PHF21B: variants seen among roughly 807,000 people sequenced by gnomAD.
PHF21B encodes PHD finger protein 21B, also known as PHD finger protein 4.
PHF21B carries 22 observed loss-of-function variants against 62.2 expected under a neutral mutation model. The observed-to-expected ratio is 0.35, with a 90% CI of 0.25 to 0.51. The LOEUF (loss-of-function observed/expected upper bound fraction) is 0.51, where lower values mean the gene tolerates loss of function less well. PHF21B is among the 20% of genes least tolerant of loss of function. The probability of loss-of-function intolerance (pLI) is 0.97; values close to 1 mark genes in which losing one functional copy is unlikely to be tolerated. For synonymous variants in PHF21B, 341 were observed against 314.7 expected (o/e 1.08, Z -0.88); for missense variants, 701 against 707.9 (o/e 0.99, Z 0.11).
chr22:44,900,375 A>G (rs980019094), intron 5 of PHF21B, among the ~76,000 whole-genome samples: 2 of 152,078 alleles, frequency 1.3e-5, no homozygotes, highest in Non-Finnish European at 2.9e-5. Context: ...ATCTTGGCTC[A>G]CTGCAACCTC....
chr22:44,919,140 G>A (rs1175977289), intron 3 of PHF21B, among the ~76,000 whole-genome samples: 5 of 152,156 alleles, frequency 3.3e-5, no homozygotes, highest in Non-Finnish European at 5.9e-5. Context: ...CCTCCAGGAA[G>A]CCTTCCTTGA....
intron 2 of PHF21B, among the ~76,000 whole-genome samples, chr22:44,970,055 C>A (rs1049881731): frequency 6.6e-6 from 1 of 152,222 alleles, no homozygotes; most frequent in Non-Finnish European, 1.5e-5. Context: ...GATCACAGCT[C>A]CACGCTAGCA....
At chr22:44,934,612 C>T (rs2071808731) in intron 2 of PHF21B, among the ~76,000 whole-genome samples, 1 of 152,164 alleles carries the variant, frequency 6.6e-6, no homozygotes, top group Non-Finnish European at 1.5e-5. Context: ...GCTGTCTCGA[C>T]TCTGCAGGTA....
Position 44,881,197 on chromosome 22 carries a change from G to A in PHF21B, c.*1889C>T, listed in dbSNP as rs1332324856. ...TCGATCGAGTTTAATACATTGTAAA[G>A]AAGGAAAACTACATTGGCGTATTTA... On this transcript the variant is annotated 3_prime_UTR_variant, in exon 13 of 13. Transcript: ENST00000313237. 1 of 152,662 alleles carries A rather than the reference G, an allele frequency of 6.6e-6. No individual in the cohort carries two copies. The highest frequency in any genetic ancestry group is 2.4e-5 in the African/African-American group (1 of 41,448). The allele number at this position is 152,662 out of a possible 1,614,324, so 9.5% of individuals were successfully genotyped here. A position where few individuals can be genotyped will look rare whatever the true frequency, so the allele number is the denominator to read the frequency against.
chr22:44,903,500 T>C (rs1018701593), intron 5 of PHF21B, among the ~76,000 whole-genome samples: 1 of 152,038 alleles, frequency 6.6e-6, no homozygotes, highest in African/African-American at 2.4e-5. Flanking sequence ...GCTATTAGTT[T>C]ATAGGGGATG....
rs1272780972 is a variant in PHF21B, at chr22:45,009,029, C to T, written c.55-419G>A. The T allele has an allele frequency of 8.8e-7, 1 of 1,131,526 alleles. No homozygotes were observed. Among genetic ancestry groups the T allele is most frequent in the Non-Finnish European group, 1.1e-6 (1 of 923,992 alleles). 70.1% of individuals were successfully genotyped at this position (1,131,526 alleles called of 1,614,324 possible). A position where few individuals can be genotyped will look rare whatever the true frequency, so the allele number is the denominator to read the frequency against. The stretch of plus-strand genomic sequence containing the variant: ...CGTCCTAATCTCCCCAACACACACA[C>T]GCGCACGCCGAGCCCCGCTCAGGCT... On this transcript the variant is annotated intron_variant, in intron 1 of 12. Transcript: ENST00000313237. The surrounding 1 kb of genome is among the most constrained non-coding windows in gnomAD (Gnocchi z 5.9).
At position 44,885,924 on chromosome 22, in the gene PHF21B, G is replaced by C. The variant is rs370654487; in HGVS notation, c.1212C>G (p.Asp404Glu). Reference sequence around the variant, plus strand: ...GCATCCCAGTCCAGGGCACACCCTCGTCTTTCTTTAAGGCCTGGGGAGCAG... The same window carrying C: ...GCATCCCAGTCCAGGGCACACCCTCCTCTTTCTTTAAGGCCTGGGGAGCAG... ...PRCQQKALKK[D>E]EGVPWTGMLA... The change falls in exon 11 of 13, where the codon GAC becomes GAG. Residue 404 changes from aspartate (D) to glutamate (E), a missense_variant. Coordinates refer to ENST00000313237, the MANE Select transcript of PHF21B (RefSeq NM_138415.5). 4 of 1,614,032 alleles carry C rather than the reference G, an allele frequency of 2.5e-6. No homozygotes were observed. Among genetic ancestry groups the C allele is most frequent in the Non-Finnish European group, 3.4e-6 (4 of 1,179,978 alleles).
intron 5 of PHF21B, among the ~76,000 whole-genome samples, chr22:44,896,612 C>T (rs6006902): frequency 0.058 from 8,822 of 152,230 alleles, 697 homozygotes; most frequent in African/African-American, 0.18. Context: ...CATGGCTGTC[C>T]TTCATTTTAT....
chr22:44,919,143 T>C (rs1375026679), intron 3 of PHF21B, among the ~76,000 whole-genome samples: 1 of 152,146 alleles, frequency 6.6e-6, no homozygotes, highest in Non-Finnish European at 1.5e-5. Flanking sequence ...CCAGGAAGCC[T>C]TCCTTGATGC....
At chr22:44,925,675 C>G (rs979136356) in intron 2 of PHF21B, among the ~76,000 whole-genome samples, 15 of 152,248 alleles carry the variant, frequency 9.9e-5, no homozygotes, top group African/African-American at 3.6e-4. Flanking sequence ...CCGCCTGCTG[C>G]TCTTGGCTGG....
At position 45,009,142 on chromosome 22, in the gene PHF21B, G is replaced by GC; in HGVS notation, c.54+353_54+354insG. Reference sequence around the variant, plus strand: ...GTTCGCCCGGGGCGCGGGGGCCCGAGGGGAGGCCGGAAGGGGGCCTATTCG... The same window carrying GC: ...GTTCGCCCGGGGCGCGGGGGCCCGAGCGGGAGGCCGGAAGGGGGCCTATTCG... On this transcript the variant is annotated intron_variant, in intron 1 of 12. Coordinates refer to ENST00000313237, the MANE Select transcript of PHF21B (RefSeq NM_138415.5). This position sits in a 1 kb window ranked among gnomAD's most constrained non-coding sequence, Gnocchi z 5.9. 1.5e-6 allele frequency: 1 copy of GC among 646,624 alleles called. No homozygotes were observed. Among genetic ancestry groups the GC allele is most frequent in the Non-Finnish European group, 2.1e-6 (1 of 469,314 alleles). The allele number at this position is 646,624 out of a possible 1,614,324, so 40.1% of individuals were successfully genotyped here. A position where few individuals can be genotyped will look rare whatever the true frequency, so the allele number is the denominator to read the frequency against.
At chr22:44,886,276 T>G (rs1047122775) in intron 10 of PHF21B, among the ~76,000 whole-genome samples, 2 of 150,686 alleles carry the variant, frequency 1.3e-5, no homozygotes, top group Admixed American at 6.6e-5. Context: ...CAGGGACAAA[T>G]GGAGAGACTC....
chr22:44,934,559 G>A (rs5766207), intron 2 of PHF21B, among the ~76,000 whole-genome samples: 104,516 of 151,992 alleles, frequency 0.69, 37,590 homozygotes, highest in Non-Finnish European at 0.79. Flanking sequence ...ATCTGGGAAC[G>A]GGCAGGTGTC....
At chr22:44,883,594 TTCC>T (rs1277611295) in intron 12 of PHF21B, among the ~76,000 whole-genome samples, 1 of 152,136 alleles carries the variant, frequency 6.6e-6, no homozygotes, top group Non-Finnish European at 1.5e-5. Context: ...GCCCACACTC[TTCC>T]TCCTCCTCCT....
chr22:44,977,493 A>T (rs1400382512), intron 2 of PHF21B, among the ~76,000 whole-genome samples: 4 of 151,928 alleles, frequency 2.6e-5, no homozygotes, highest in Non-Finnish European at 5.9e-5. Context: ...TGAACCTGAG[A>T]GGCGGAGGTT....
chr22:45,006,948 C>T (rs1284482203), intron 2 of PHF21B, among the ~76,000 whole-genome samples: 1 of 152,108 alleles, frequency 6.6e-6, no homozygotes, highest in African/African-American at 2.4e-5. Context: ...CGACCCCTCC[C>T]CCTCCAAAAA....
In PHF21B at chr22:44,882,238, C is replaced by G. The variant is rs147605628; in HGVS notation, c.*848G>C. 3.3e-5 allele frequency: 5 copies of G among 152,612 alleles called. No homozygotes were observed. The highest frequency in any genetic ancestry group is 1.2e-4 in the African/African-American group (5 of 41,440). 9.5% of individuals were successfully genotyped at this position (152,612 alleles called of 1,614,324 possible). ...AATGATTCAACCCCAAGGAGAAAACCTGCCAAATGCTGCCCCCCACAACAG... is the reference window on the plus strand; with the variant it reads ...AATGATTCAACCCCAAGGAGAAAACGTGCCAAATGCTGCCCCCCACAACAG... On this transcript the variant is annotated 3_prime_UTR_variant, in exon 13 of 13. Transcript: ENST00000313237.
chr22:44,977,247 GT>G (rs2072754241), intron 2 of PHF21B, among the ~76,000 whole-genome samples: 1 of 151,350 alleles, frequency 6.6e-6, no homozygotes, highest in Admixed American at 6.6e-5. Context: ...TTTTTTAATA[GT>G]TTACCACATA....
intron 2 of PHF21B, among the ~76,000 whole-genome samples, chr22:45,006,334 G>A (rs972096291): frequency 6.6e-6 from 1 of 152,066 alleles, no homozygotes; most frequent in Admixed American, 6.6e-5. Context: ...CTAAAAGGCC[G>A]GAGAAAAAAA....
Sources: gnomAD v4.1 joint callset for allele counts (sites outside exome capture counted in the v4.1 genomes callset) on GRCh38, gnomAD v4.1.1 for gene constraint, Gnocchi (gnomAD v3.1) non-coding constraint, MANE v1.5 for transcripts, NCBI Gene and HGNC (gene_info 2026-07-23, HGNC 2026-07-21) for gene names.